The following TCF12 variants were observed in gnomAD, a reference collection of about 807,000 sequenced individuals.
TCF12 encodes the protein transcription factor 12, also known as DNA-binding protein HTF4.
In TCF12, 45 loss-of-function variants were observed where a neutral mutation model predicts 86.0. The ratio of observed to expected loss-of-function variants is 0.52; its 90% CI spans 0.41 to 0.67. The LOEUF (loss-of-function observed/expected upper bound fraction) is 0.67. Among genes scored for constraint, TCF12 ranks in the 30% least tolerant of loss-of-function variants. TCF12 has a pLI of 0.00. For synonymous variants in TCF12, 330 were observed against 299.6 expected (o/e 1.10, Z -1.05); for missense variants, 881 against 859.9 (o/e 1.02, Z -0.31).
At chr15:57,191,280 A>G (rs1018701778) in intron 6 of TCF12, among the ~76,000 whole-genome samples, 7 of 152,130 alleles carry the variant, frequency 4.6e-5, no homozygotes, top group African/African-American at 1.7e-4. Context: ...CCTGGGCAAT[A>G]TAGGGAGACC....
chr15:57,131,179 G>A (rs1163138153), intron 5 of TCF12, among the ~76,000 whole-genome samples: 2 of 152,164 alleles, frequency 1.3e-5, no homozygotes, highest in South Asian at 2.1e-4. Context: ...ATGTCTTCTG[G>A]TGGTCGCACA....
chr15:57,206,129 G>T (rs1421896672), intron 8 of TCF12, among the ~76,000 whole-genome samples: 5 of 152,198 alleles, frequency 3.3e-5, no homozygotes, highest in Non-Finnish European at 7.3e-5. Flanking sequence ...AAGGCTATAT[G>T]GTTGAATTAT....
chr15:57,177,350 A>G (rs2055996284), intron 6 of TCF12, among the ~76,000 whole-genome samples: 3 of 149,308 alleles, frequency 2.0e-5, no homozygotes, highest in African/African-American at 7.4e-5. Flanking sequence ...GCTCCCTGCA[A>G]CCTCTGCCTC....
intron 3 of TCF12, among the ~76,000 whole-genome samples, chr15:56,944,366 T>G (rs1479323153): frequency 6.6e-6 from 1 of 152,192 alleles, no homozygotes. Flanking sequence ...TCAGTTTTAT[T>G]TTCAGCCGAG....
intron 6 of TCF12, among the ~76,000 whole-genome samples, chr15:57,172,884 T>G (rs2151593625): frequency 6.6e-6 from 1 of 152,042 alleles, no homozygotes; most frequent in Admixed American, 6.6e-5. Context: ...GAGGATCACT[T>G]GAGCCCAGGA....
intron 13 of TCF12, chr15:57,247,142 C>T (rs1462098729): frequency 1.8e-6 from 1 of 561,692 alleles, no homozygotes; most frequent in East Asian, 3.7e-5. Flanking sequence ...CTCCTTCACT[C>T]CACCGTCACT....
chr15:56,980,924 A>G (rs1448603819), intron 3 of TCF12, among the ~76,000 whole-genome samples: 1 of 152,204 alleles, frequency 6.6e-6, no homozygotes, highest in East Asian at 1.9e-4. Context: ...TGAATCACCT[A>G]AATTCTCAAT....
At chr15:57,156,123 G>C (rs1210973693) in intron 5 of TCF12, among the ~76,000 whole-genome samples, 1 of 152,140 alleles carries the variant, frequency 6.6e-6, no homozygotes, top group African/African-American at 2.4e-5. Context: ...TATTAAACAA[G>C]TGTTTACACT....
At chr15:57,139,991 AAC>A (rs1371118785) in intron 5 of TCF12, among the ~76,000 whole-genome samples, 1 of 152,172 alleles carries the variant, frequency 6.6e-6, no homozygotes, top group South Asian at 2.1e-4. Context: ...TTTAATTAAA[AAC>A]AGTTTATTCC....
At chr15:57,247,829 C>T (rs767496104) in intron 13 of TCF12, 25 of 753,014 alleles carry the variant, frequency 3.3e-5, no homozygotes, top group South Asian at 8.3e-5. Flanking sequence ...GCCCCTGGAA[C>T]GTGTTTTTTG....
intron 14 of TCF12, 26 bp from the exon 15 acceptor site, chr15:57,252,395 C>T (rs748563788): frequency 1.0e-4 from 166 of 1,603,414 alleles, no homozygotes; most frequent in Non-Finnish European, 1.4e-4. Flanking sequence ...TGTGCTTTGC[C>T]TCCTGTTCTG....
At chr15:56,954,528 A>G (rs550033422) in intron 3 of TCF12, among the ~76,000 whole-genome samples, 1 of 152,246 alleles carries the variant, frequency 6.6e-6, no homozygotes, top group Non-Finnish European at 1.5e-5. Flanking sequence ...CTTCATGACT[A>G]AAACACCAAA....
At chr15:57,177,861 A>G (rs1244786776) in intron 6 of TCF12, among the ~76,000 whole-genome samples, 1 of 151,846 alleles carries the variant, frequency 6.6e-6, no homozygotes, top group African/African-American at 2.4e-5. Context: ...GGCATGTGCC[A>G]CCACAGTCGG....
chr15:57,130,416 T>C (rs891316892), intron 5 of TCF12, among the ~76,000 whole-genome samples: 2 of 152,228 alleles, frequency 1.3e-5, no homozygotes, highest in African/African-American at 4.8e-5. Flanking sequence ...TTTTTGTTTT[T>C]TAACTTCACA....
chr15:57,099,027 T>C (rs1281001244), intron 5 of TCF12, among the ~76,000 whole-genome samples: 1 of 152,182 alleles, frequency 6.6e-6, no homozygotes, highest in Non-Finnish European at 1.5e-5. Context: ...CTCTAAATTG[T>C]TCTTCATGGT....
At chr15:57,263,770 G>A (rs1369282043) in intron 18 of TCF12, among the ~76,000 whole-genome samples, 1 of 152,168 alleles carries the variant, frequency 6.6e-6, no homozygotes, top group Non-Finnish European at 1.5e-5. Flanking sequence ...TGTATACCAT[G>A]TTACTGAACT....
At chr15:57,121,211 A>G (rs1226301809) in intron 5 of TCF12, among the ~76,000 whole-genome samples, 3 of 152,214 alleles carry the variant, frequency 2.0e-5, no homozygotes, top group African/African-American at 7.2e-5. Context: ...TCGCTAGTCT[A>G]GGACAAAGAT....
At chr15:56,921,734 C>T (rs2059802881) in intron 3 of TCF12, among the ~76,000 whole-genome samples, 1 of 151,958 alleles carries the variant, frequency 6.6e-6, no homozygotes, top group African/African-American at 2.4e-5. Flanking sequence ...GGCTGAAACT[C>T]AGTAATGCCT....
intron 3 of TCF12, among the ~76,000 whole-genome samples, chr15:57,005,350 T>C (rs1238593284): frequency 4.6e-5 from 7 of 152,268 alleles, no homozygotes; most frequent in Admixed American, 4.6e-4. Flanking sequence ...TGCACGTGTT[T>C]CCTAGATTTA....
Sources: gnomAD v4.1 joint callset for allele counts (sites outside exome capture counted in the v4.1 genomes callset) on GRCh38, gnomAD v4.1.1 for gene constraint, MANE v1.5 for transcripts, NCBI Gene and HGNC (gene_info 2026-07-23, HGNC 2026-07-21) for gene names.